Variants in CIRSR observed in about 807,000 individuals in gnomAD.
CIRSR encodes CBF1 (RBPJ) interacting corepressor 1.
chr2:174,348,374 G>T, the CIRSR span: 2 of 1,436,678 alleles, frequency 1.4e-6, no homozygotes, highest in African/African-American at 2.8e-5. Flanking sequence ...TTAAAATTGA[G>T]CTTTTTTATT....
At chr2:174,380,193 G>A in the CIRSR span, 5 of 1,574,788 alleles carry the variant, frequency 3.2e-6, no homozygotes, top group Non-Finnish European at 4.3e-6. Flanking sequence ...TAAAATATGT[G>A]TCACTTGCCT....
At chr2:174,354,561 T>A in the CIRSR span, among the ~76,000 whole-genome samples, 1 of 75,976 alleles carries the variant, frequency 1.3e-5, no homozygotes, top group African/African-American at 5.8e-5. Flanking sequence ...TTATATATAT[T>A]TTATATATTA....
At chr2:174,373,499 G>A in the CIRSR span, among the ~76,000 whole-genome samples, 2 of 152,024 alleles carry the variant, frequency 1.3e-5, no homozygotes, top group Non-Finnish European at 2.9e-5. Context: ...TAAATTTTAA[G>A]TTTCTTTTTA....
the CIRSR span, chr2:174,378,820 C>T: frequency 2.3e-6 from 2 of 879,188 alleles, no homozygotes; most frequent in Non-Finnish European, 3.8e-6. Context: ...ACAAGCCCCA[C>T]ACACAAACCC....
At chr2:174,352,959 T>C in the CIRSR span, among the ~76,000 whole-genome samples, 1 of 152,234 alleles carries the variant, frequency 6.6e-6, no homozygotes, top group East Asian at 1.9e-4. Flanking sequence ...ATTTGCGCAC[T>C]CACCTGCATA....
chr2:174,379,017 T>C, the CIRSR span: 2 of 1,613,744 alleles, frequency 1.2e-6, no homozygotes, highest in Non-Finnish European at 1.7e-6. Flanking sequence ...ATTTGTGACA[T>C]TTAATGCACC....
chr2:174,372,415 G>C, the CIRSR span, among the ~76,000 whole-genome samples: 1 of 151,958 alleles, frequency 6.6e-6, no homozygotes, highest in African/African-American at 2.4e-5. Context: ...TCTACCTAAA[G>C]ATACAAAGAG....
the CIRSR span, among the ~76,000 whole-genome samples, chr2:174,372,509 C>A: frequency 6.6e-6 from 1 of 152,160 alleles, no homozygotes; most frequent in South Asian, 2.1e-4. Flanking sequence ...ATTAAGAAAT[C>A]TTCATATCAT....
At chr2:174,366,561 G>A in the CIRSR span, among the ~76,000 whole-genome samples, 1 of 152,212 alleles carries the variant, frequency 6.6e-6, no homozygotes, top group African/African-American at 2.4e-5. Flanking sequence ...GCTCCTTAGT[G>A]AGAAGGAAAA....
At chr2:174,376,673 C>T in the CIRSR span, among the ~76,000 whole-genome samples, 1 of 151,924 alleles carries the variant, frequency 6.6e-6, no homozygotes, top group East Asian at 1.9e-4. Context: ...TGGCAGGCAC[C>T]TGTAGTCCCA....
the CIRSR span, chr2:174,378,684 A>G: frequency 2.1e-6 from 1 of 479,986 alleles, no homozygotes; most frequent in South Asian, 2.2e-5. Flanking sequence ...TTTAAAACTT[A>G]GTTCATAGGG....
chr2:174,354,531 ATT>A, the CIRSR span, among the ~76,000 whole-genome samples: 9 of 58,582 alleles, frequency 1.5e-4, 1 homozygote, highest in African/African-American at 3.1e-4. Context: ...TATTTTATAT[ATT>A]ATATAATATA....
At chr2:174,381,750 CT>C in the CIRSR span, 1 of 1,596,946 alleles carries the variant, frequency 6.3e-7, no homozygotes. Context: ...TAAGGCCATT[CT>C]TTACACGTTC....
the CIRSR span, among the ~76,000 whole-genome samples, chr2:174,364,144 T>C: frequency 6.6e-6 from 1 of 152,144 alleles, no homozygotes; most frequent in Non-Finnish European, 1.5e-5. Flanking sequence ...ATGAGAGAAA[T>C]TGGCCCCTTT....
the CIRSR span, chr2:174,348,749 C>G: frequency 6.2e-7 from 1 of 1,614,164 alleles, no homozygotes. Flanking sequence ...AGCCTCTCTT[C>G]TCTGGGCTAT....
the CIRSR span, chr2:174,349,150 T>C: frequency 4.1e-6 from 6 of 1,466,490 alleles, no homozygotes; most frequent in Middle Eastern, 2.3e-4. Context: ...TTCTTTTTTT[T>C]CTTCTCCAGT....
chr2:174,392,780 T>TA, the CIRSR span, among the ~76,000 whole-genome samples: 3 of 152,174 alleles, frequency 2.0e-5, no homozygotes, highest in Non-Finnish European at 4.4e-5. Context: ...TGATTTGGGG[T>TA]AAAAAACTTT....
the CIRSR span, chr2:174,348,552 T>A: frequency 1.2e-6 from 2 of 1,614,168 alleles, no homozygotes; most frequent in Non-Finnish European, 1.7e-6. Flanking sequence ...TCTGTACATT[T>A]TTTCTCCTCT....
the CIRSR span, among the ~76,000 whole-genome samples, chr2:174,355,149 C>CGT: frequency 1.3e-5 from 2 of 152,080 alleles, no homozygotes; most frequent in Non-Finnish European, 2.9e-5. Context: ...TAGAGTTACA[C>CGT]TGACAGAAAT....
Sources: gnomAD v4.1 joint callset for allele counts (sites outside exome capture counted in the v4.1 genomes callset) on GRCh38, gnomAD v4.1.1 for gene constraint, MANE v1.5 for transcripts, NCBI Gene and HGNC (gene_info 2026-07-23, HGNC 2026-07-21) for gene names.